The following MSANTD5 variants were observed in gnomAD, a reference collection of about 807,000 sequenced individuals.
MSANTD5 encodes the protein uncharacterized protein MSANTD5.
chr5:178,705,122 C>T, the MSANTD5 span, among the ~76,000 whole-genome samples: 2 of 151,992 alleles, frequency 1.3e-5, no homozygotes, highest in African/African-American at 4.8e-5. Flanking sequence ...AATCTTGGCT[C>T]ACTACAGCCT....
upstream of MSANTD5, among the ~76,000 whole-genome samples, chr5:178,699,561 G>A (rs534553149): frequency 6.6e-6 from 1 of 151,906 alleles, no homozygotes; most frequent in Non-Finnish European, 1.5e-5. Context: ...ACAGGCGCGT[G>A]CCACCACACC....
chr5:178,695,055 A>G (rs1012807051), intron 3 of MSANTD5, 108 bp from the exon 4 acceptor site: 6 of 152,318 alleles, frequency 3.9e-5, no homozygotes, highest in Admixed American at 6.5e-5. Context: ...ATTCTGAACA[A>G]GTCCACGAAC....
At chr5:178,692,413 T>C (rs73334823), downstream of MSANTD5, among the ~76,000 whole-genome samples, 8,277 of 151,652 alleles carry the variant, frequency 0.055, 810 homozygotes, top group African/African-American at 0.19. Flanking sequence ...CATGCAATTA[T>C]TATACACCCA....
upstream of MSANTD5, among the ~76,000 whole-genome samples, chr5:178,701,026 T>C (rs982209873): frequency 6.6e-6 from 1 of 152,140 alleles, no homozygotes; most frequent in African/African-American, 2.4e-5. Flanking sequence ...CAGGCTGGAG[T>C]GCAGTGGCGC....
chr5:178,704,757 G>C, the MSANTD5 span, among the ~76,000 whole-genome samples: 258 of 152,288 alleles, frequency 1.7e-3, 1 homozygote, highest in African/African-American at 5.7e-3. Flanking sequence ...AGGAGTCACT[G>C]TTTTAGTGAC....
At chr5:178,702,301 CTTT>C (rs372575693), upstream of MSANTD5, among the ~76,000 whole-genome samples, 1 of 133,362 alleles carries the variant, frequency 7.5e-6, no homozygotes, top group Non-Finnish European at 1.6e-5. Context: ...CTTTTTTTTT[CTTT>C]TTTTTTTTTT....
upstream of MSANTD5, among the ~76,000 whole-genome samples, chr5:178,701,214 T>A (rs763973939): frequency 4.6e-5 from 7 of 152,272 alleles, no homozygotes; most frequent in South Asian, 1.0e-3. Context: ...CTTGACCTCG[T>A]GATCTGCCCT....
chr5:178,691,733 C>T (rs1204928384), downstream of MSANTD5, among the ~76,000 whole-genome samples: 3 of 136,522 alleles, frequency 2.2e-5, no homozygotes, highest in Non-Finnish European at 5.0e-5. Context: ...ATGGCCAAAA[C>T]CATGAAGAGC....
chr5:178,703,298 T>C, the MSANTD5 span, among the ~76,000 whole-genome samples: 1 of 152,182 alleles, frequency 6.6e-6, no homozygotes, highest in Non-Finnish European at 1.5e-5. Flanking sequence ...CTTGGCCTGC[T>C]CCACAGTGTG....
intron 1 of MSANTD5, among the ~76,000 whole-genome samples, chr5:178,696,797 G>A (rs1394184187): frequency 1.3e-5 from 2 of 151,980 alleles, no homozygotes; most frequent in Non-Finnish European, 2.9e-5. Context: ...GTACTGGGGA[G>A]AGGGTGGAGA....
At chr5:178,701,043 G>T (rs562715739), upstream of MSANTD5, among the ~76,000 whole-genome samples, 3 of 152,198 alleles carry the variant, frequency 2.0e-5, no homozygotes, top group African/African-American at 7.2e-5. Context: ...GCGCGATCTC[G>T]GCTCACTGCA....
downstream of MSANTD5, among the ~76,000 whole-genome samples, chr5:178,693,080 C>G (rs182541017): frequency 6.6e-6 from 1 of 151,872 alleles, no homozygotes; most frequent in Non-Finnish European, 1.5e-5. Context: ...GAGGCTGAGG[C>G]GGGCGGATCA....
chr5:178,694,828 T>G (rs1267397479), exon 4 of MSANTD5: 1 of 152,148 alleles, frequency 6.6e-6, no homozygotes, highest in East Asian at 1.9e-4. Flanking sequence ...ACCTGAGGAT[T>G]TTCCACATAG....
chr5:178,700,551 C>T (rs1018850601), upstream of MSANTD5, among the ~76,000 whole-genome samples: 1 of 146,716 alleles, frequency 6.8e-6, no homozygotes, highest in Non-Finnish European at 1.5e-5. Context: ...CTCACTGGGC[C>T]CCTGGGAGGT....
upstream of MSANTD5, among the ~76,000 whole-genome samples, chr5:178,700,063 G>A (rs921847474): frequency 1.4e-4 from 21 of 152,086 alleles, no homozygotes; most frequent in Admixed American, 1.4e-3. Flanking sequence ...TGGCCTCGGG[G>A]CCTTTGCTGC....
upstream of MSANTD5, among the ~76,000 whole-genome samples, chr5:178,699,429 T>C (rs1765453340): frequency 1.8e-5 from 2 of 109,728 alleles, no homozygotes; most frequent in African/African-American, 5.5e-5. Flanking sequence ...CTATTTTCTT[T>C]CCTTCTTTTT....
intron 1 of MSANTD5, among the ~76,000 whole-genome samples, chr5:178,696,922 G>A (rs1375734191): frequency 1.3e-5 from 2 of 152,120 alleles, no homozygotes; most frequent in African/African-American, 2.4e-5. Flanking sequence ...AAAGGAGCAG[G>A]CTGGAAAGTT....
chr5:178,705,219 T>C, the MSANTD5 span, among the ~76,000 whole-genome samples: 1 of 152,162 alleles, frequency 6.6e-6, no homozygotes, highest in Admixed American at 6.5e-5. Context: ...GGCTACTTTC[T>C]GTATTTTTAG....
At chr5:178,692,506 C>G (rs1765367549), downstream of MSANTD5, among the ~76,000 whole-genome samples, 2 of 151,950 alleles carry the variant, frequency 1.3e-5, no homozygotes, top group South Asian at 4.1e-4. Flanking sequence ...AACAGCTTTA[C>G]TCACAATAGT....
Sources: gnomAD v4.1 joint callset for allele counts (sites outside exome capture counted in the v4.1 genomes callset) on GRCh38, gnomAD v4.1.1 for gene constraint, MANE v1.5 for transcripts, NCBI Gene and HGNC (gene_info 2026-07-23, HGNC 2026-07-21) for gene names.